The following SLIT3 variants were observed in gnomAD, a reference collection of about 807,000 sequenced individuals.
SLIT3 encodes the protein slit homolog 3 protein.
Under a neutral mutation model 184.0 loss-of-function variants are expected in SLIT3, and 68 were observed. The ratio of observed to expected loss-of-function variants is 0.37; its 90% CI spans 0.30 to 0.45. The LOEUF is 0.45. Among genes scored for constraint, SLIT3 ranks in the 20% least tolerant of loss-of-function variants. SLIT3 has a pLI of 1.00. For missense variants in SLIT3, 1,707 were observed against 2,026.0 expected, an observed-to-expected ratio of 0.84 and a Z score of 3.02; for synonymous variants, 831 against 828.6, an observed-to-expected ratio of 1.00 and a Z score of -0.05.
At chr5:168,721,756 T>C (rs955270641) in intron 23 of SLIT3, among the ~76,000 whole-genome samples, 1 of 152,196 alleles carries the variant, frequency 6.6e-6, no homozygotes, top group Non-Finnish European at 1.5e-5. Flanking sequence ...AACCCCACAA[T>C]TGCTAACTAA....
intron 4 of SLIT3, among the ~76,000 whole-genome samples, chr5:169,092,464 C>T (rs1345336152): frequency 3.3e-5 from 5 of 151,940 alleles, no homozygotes; most frequent in Non-Finnish European, 7.4e-5. Context: ...TTCTTGCTAC[C>T]GAAGTCTCAG....
At chr5:169,041,399 C>T (rs544183036) in intron 4 of SLIT3, among the ~76,000 whole-genome samples, 35 of 152,196 alleles carry the variant, frequency 2.3e-4, no homozygotes, top group African/African-American at 7.9e-4. Flanking sequence ...CGGATGGAGC[C>T]GAGTACTGGA....
In SLIT3 at chr5:168,671,324, G is replaced by A. The variant is rs775753087; in HGVS notation, c.4001C>T (p.Ser1334Phe). 1 of 1,614,026 alleles carries A rather than the reference G, an allele frequency of 6.2e-7. No individual in the cohort carries two copies. The highest frequency in any genetic ancestry group is 8.5e-7 in the Non-Finnish European group (1 of 1,179,986). The change falls in exon 34 of 36, where the codon TCC (serine) becomes TTC (phenylalanine). Residue 1334 changes from serine (S) to phenylalanine (F), a missense_variant. Around this residue, in one of 3 missense-constraint regions of SLIT3, gnomAD observed 387 missense variants for 477.9 expected, o/e 0.81. Transcript: ENST00000519560. ...CAGGCCGTGCTTGCACACGGTGCAG[G>A]ACTTGCAGCCTGGTGACACCCCCAG... ...QSLGVSPGCK[S>F]CTVCKHGLCR... is the part of the protein sequence containing the mutation.
chr5:168,699,551 G>A lies in SLIT3; in HGVS notation c.2942+1031C>T, dbSNP rs1762157866. The stretch of plus-strand genomic sequence containing the variant: ...AAGCAGGAAGGGGTCCTGAGGTTGG[G>A]TGGAAGCCAATCCCATTCCTAGGAC... On this transcript the variant is annotated intron_variant, in intron 27 of 35. Transcript: ENST00000519560. Among the ~76,000 whole-genome samples, 3 of 152,234 alleles carry A rather than the reference G, an allele frequency of 2.0e-5. No homozygotes were observed. In the South Asian group the frequency reaches 6.2e-4, roughly 32 times the overall value.
At chr5:169,202,430 A>C (rs909072287) in intron 3 of SLIT3, among the ~76,000 whole-genome samples, 1 of 152,146 alleles carries the variant, frequency 6.6e-6, no homozygotes, top group Admixed American at 6.5e-5. Context: ...TAAGATAAGG[A>C]AACTGAGGCA....
intron 4 of SLIT3, among the ~76,000 whole-genome samples, chr5:168,938,641 T>C (rs1762237498): frequency 6.6e-6 from 1 of 152,006 alleles, no homozygotes; most frequent in African/African-American, 2.4e-5. Flanking sequence ...ATTATTATTA[T>C]TTTTTTTGAG....
chr5:169,142,714 T>C (rs1761787032), intron 4 of SLIT3, among the ~76,000 whole-genome samples: 1 of 152,064 alleles, frequency 6.6e-6, no homozygotes, highest in Admixed American at 6.5e-5. Flanking sequence ...CTGCTAAACT[T>C]TGCCACCCTC....
At chr5:168,978,484 G>A (rs1240439272) in intron 4 of SLIT3, among the ~76,000 whole-genome samples, 1 of 152,254 alleles carries the variant, frequency 6.6e-6, no homozygotes, top group East Asian at 1.9e-4. Context: ...TAAGGGCCTA[G>A]AGGTGAACAT....
rs1220914315 is a variant in SLIT3, at chr5:168,733,019, A to G, written c.2271-8535T>C. On this transcript the variant is annotated intron_variant, in intron 20 of 35. Coordinates refer to ENST00000519560, the MANE Select transcript of SLIT3 (RefSeq NM_003062.4). ...CAGCAAAAGAAACAACAGTAAACAG[A>G]CAACCTGCAGGATGGGAAAAATACT... Among the ~76,000 whole-genome samples the G allele has an allele frequency of 5.3e-5, 8 of 152,146 alleles. No individual in the cohort carries two copies. The East Asian group carries it at 1.5e-3, about 29-fold the overall frequency.
intron 4 of SLIT3, among the ~76,000 whole-genome samples, chr5:169,010,223 T>C (rs1014312512): frequency 2.0e-5 from 3 of 152,290 alleles, no homozygotes; most frequent in Non-Finnish European, 2.9e-5. Flanking sequence ...ACTTCTCAGG[T>C]ACCCAGTGTG....
chr5:169,179,226 T>G (rs554454456), intron 4 of SLIT3, among the ~76,000 whole-genome samples: 29 of 152,152 alleles, frequency 1.9e-4, no homozygotes, highest in Non-Finnish European at 3.5e-4. Context: ...AAAAAATAAT[T>G]TGGAAGTTTA....
At position 168,819,840 on chromosome 5, in the gene SLIT3, T is replaced by A. The variant is rs114874353; in HGVS notation, c.630-2377A>T. On this transcript the variant is annotated intron_variant, in intron 7 of 35. Transcript: ENST00000519560. The stretch of plus-strand genomic sequence containing the variant: ...ATAGTTCCTATCCCTTTGTCCGTCT[T>A]AATAGAAATTTTTCTCCTCCCAAGA... Among the ~76,000 whole-genome samples the A allele has an allele frequency of 9.3e-4, 142 of 152,260 alleles. 1 individual carries two copies. The highest frequency in any genetic ancestry group is 1.8e-3 in the Non-Finnish European group (121 of 68,018).
intron 4 of SLIT3, among the ~76,000 whole-genome samples, chr5:168,955,731 C>T (rs1379293869): frequency 6.6e-6 from 1 of 152,214 alleles, no homozygotes; most frequent in East Asian, 1.9e-4. Flanking sequence ...AGGCTAAGAG[C>T]TGGGAATTGA....
intron 4 of SLIT3, among the ~76,000 whole-genome samples, chr5:168,934,961 C>G (rs537166233): frequency 7.6e-5 from 10 of 131,052 alleles, no homozygotes; most frequent in African/African-American, 1.2e-4. Flanking sequence ...AACCCCATCT[C>G]TACTAAAAAA....
At chr5:168,686,116 C>T (rs1761735794) in intron 30 of SLIT3, among the ~76,000 whole-genome samples, 189 bp from the exon 31 acceptor site, 1 of 152,196 alleles carries the variant, frequency 6.6e-6, no homozygotes, top group South Asian at 2.1e-4. Flanking sequence ...TCCCATATTT[C>T]CCATTTTTAA....
At chr5:169,053,990 C>T (rs1044700665) in intron 4 of SLIT3, among the ~76,000 whole-genome samples, 2 of 152,002 alleles carry the variant, frequency 1.3e-5, no homozygotes, top group African/African-American at 2.4e-5. Context: ...ACTCGGGAAG[C>T]TGAGGCAGGA....
At chr5:169,205,985 G>T (rs577023748) in intron 3 of SLIT3, among the ~76,000 whole-genome samples, 2 of 152,336 alleles carry the variant, frequency 1.3e-5, no homozygotes, top group East Asian at 3.9e-4. Flanking sequence ...GTCAGGGCAA[G>T]CATTCTTACA....
chr5:168,950,025 G>C (rs1197975151), intron 4 of SLIT3, among the ~76,000 whole-genome samples: 11 of 152,168 alleles, frequency 7.2e-5, no homozygotes, highest in African/African-American at 2.7e-4. Flanking sequence ...TATACATACA[G>C]TCTGCTGTGG....
chr5:168,685,960 G>A (rs773271209), intron 30 of SLIT3, 33 bp from the exon 31 acceptor site: 20 of 1,580,016 alleles, frequency 1.3e-5, no homozygotes, highest in East Asian at 6.8e-5. Flanking sequence ...GAGGGAGATA[G>A]GAGAATGGCC....
Sources: allele counts gnomAD v4.1 joint callset (sites outside exome capture counted in the v4.1 genomes callset), GRCh38; gene constraint gnomAD v4.1.1; regional missense constraint gnomAD v4.1.1; transcripts MANE v1.5; gene names NCBI Gene and HGNC (gene_info 2026-07-23, HGNC 2026-07-21).